CC2D1A: variants seen among roughly 807,000 people sequenced by gnomAD.
CC2D1A encodes coiled-coil and C2 domain-containing protein 1A.
In CC2D1A, 68 loss-of-function variants were observed where a neutral mutation model predicts 123.8. That is an observed-to-expected ratio of 0.55 (90% confidence interval 0.45 to 0.67). The LOEUF is 0.67. Among genes scored for constraint, CC2D1A ranks in the 30% least tolerant of loss-of-function variants. The pLI, the probability that CC2D1A is intolerant of heterozygous loss-of-function variation, is 0.00. For synonymous variants in CC2D1A, 477 were observed against 528.0 expected, an observed-to-expected ratio of 0.90 and a Z score of 1.32; for missense variants, 1,185 against 1,290.3, an observed-to-expected ratio of 0.92 and a Z score of 1.25.
chr19:13,909,339 G>T (rs1187973806), intron 1 of CC2D1A, among the ~76,000 whole-genome samples: 1 of 151,670 alleles, frequency 6.6e-6, no homozygotes, highest in Non-Finnish European at 1.5e-5. Flanking sequence ...CTGCACCACT[G>T]CACTCCAGCC....
chr19:13,911,706 A>ATT (rs1055273535), intron 2 of CC2D1A, among the ~76,000 whole-genome samples: 55 of 88,554 alleles, frequency 6.2e-4, no homozygotes, highest in Middle Eastern at 5.7e-3. Context: ...TGCCCAGCTA[A>ATT]TTTTTTTTTT....
At chr19:13,926,392 AC>A in intron 17 of CC2D1A, 124 bp from the exon 18 acceptor site, 1 of 737,882 alleles carries the variant, frequency 1.4e-6, no homozygotes, top group Non-Finnish European at 2.2e-6. Context: ...GAGCTGAGAC[AC>A]CCCCGAAGGC....
intron 14 of CC2D1A, among the ~76,000 whole-genome samples, chr19:13,922,480 A>G (rs1166641932): frequency 6.6e-6 from 1 of 152,226 alleles, no homozygotes; most frequent in African/African-American, 2.4e-5. Flanking sequence ...CTGCTCAGAC[A>G]TCACATCTCC....
chr19:13,913,581 C>A lies in CC2D1A; in HGVS notation c.691C>A (p.Pro231Thr), dbSNP rs1027314638. The change falls in exon 6 of 29, where the codon CCT (proline) becomes ACT (threonine). Residue 231 changes from proline to threonine, a missense_variant. By Grantham distance (38) the Pro-to-Thr change is conservative. Coordinates refer to ENST00000318003, the MANE Select transcript of CC2D1A (RefSeq NM_017721.5). ...APEPRVTLEG[P>T]SATAPASSPG... ...AGAGCCCAGGGTCACCCTGGAGGGA[C>A]CTTCTGCCACCGCCCCAGCCTCATC... The A allele has an allele frequency of 2.5e-6, 4 of 1,613,888 alleles. No individual in the cohort carries two copies. Among genetic ancestry groups the A allele is most frequent in the Non-Finnish European group, 3.4e-6 (4 of 1,179,922 alleles).
Position 13,930,434 on chromosome 19 carries a change from C to T in CC2D1A, c.*39C>T. On this transcript the variant is annotated 3_prime_UTR_variant, in exon 29 of 29. Transcript: ENST00000318003. The surrounding 1 kb of genome is among the most constrained non-coding windows in gnomAD (Gnocchi z 6.8). ...CGGGCAGCCCCCAGAAAGCGGGCAGCAGGCCCCGATACCGGGAAGAGCCGA... is the reference window on the plus strand; with the variant it reads ...CGGGCAGCCCCCAGAAAGCGGGCAGTAGGCCCCGATACCGGGAAGAGCCGA... 1 of 1,570,650 alleles carries T rather than the reference C, an allele frequency of 6.4e-7. No individual in the cohort carries two copies. Among genetic ancestry groups the T allele is most frequent in the Non-Finnish European group, 8.6e-7 (1 of 1,160,458 alleles).
In CC2D1A at chr19:13,923,804, G is replaced by A. The variant is rs188178946; in HGVS notation, c.1933G>A (p.Val645Ile). 5.3e-5 allele frequency: 85 copies of A among 1,612,662 alleles called. No individual in the cohort carries two copies. Among genetic ancestry groups the A allele is most frequent in the East Asian group, 2.5e-4 (11 of 44,866 alleles). Residue 645 changes from valine (V) to isoleucine (I), a missense_variant, in exon 17 of 29, where the codon GTC becomes ATC. Physicochemically the swap from Val to Ile is conservative, Grantham distance 29. Transcript: ENST00000318003. This position sits in a 1 kb window ranked among gnomAD's most constrained non-coding sequence, Gnocchi z 5.3. ...CCGCTTTGAGCAAAGGACCTTCAGC[G>A]TCATCAAGTAAGGCTCCTGATCTAC... is the stretch of plus-strand genomic sequence containing the variant. ...TARFEQRTFS[V>I]IKIFPDLSSN...
intron 17 of CC2D1A, among the ~76,000 whole-genome samples, chr19:13,925,933 A>AAAATATATATATATAT (rs1315518981): frequency 1.1e-5 from 1 of 91,050 alleles, no homozygotes; most frequent in African/African-American, 6.8e-5. Flanking sequence ...AAAAAAAAAA[A>AAAATATATATATATAT]ATATATATAT....
chr19:13,918,151 A>G lies in CC2D1A; in HGVS notation c.830A>G (p.Gln277Arg), dbSNP rs2145327368. Residue 277 changes from glutamine to arginine, a missense_variant, in exon 7 of 29, where the codon CAG becomes CGG. Gln to Arg is a conservative substitution (Grantham distance 43, BLOSUM62 1). Coordinates refer to ENST00000318003, the MANE Select transcript of CC2D1A (RefSeq NM_017721.5). Reference sequence around the variant, plus strand: ...CTGGCTGCCCTCCACGCCAAGCAGCAGGGAGATACCACTGCTGCCGCTAGA... The same window carrying G: ...CTGGCTGCCCTCCACGCCAAGCAGCGGGGAGATACCACTGCTGCCGCTAGA... ...YKLAALHAKQ[Q>R]GDTTAAARHF... 6.2e-7 allele frequency: 1 copy of G among 1,609,414 alleles called. No homozygotes were observed. The highest frequency in any genetic ancestry group is 1.3e-5 in the African/African-American group (1 of 74,994).
intron 2 of CC2D1A, 79 bp from the exon 3 acceptor site, chr19:13,912,244 C>T: frequency 7.0e-7 from 1 of 1,435,428 alleles, no homozygotes; most frequent in East Asian, 2.5e-5. Context: ...GAAGTGGGAT[C>T]ACCTAGCGTG....
intron 17 of CC2D1A, among the ~76,000 whole-genome samples, chr19:13,924,412 C>T (rs547814761): frequency 3.5e-4 from 53 of 152,070 alleles, no homozygotes; most frequent in Admixed American, 6.6e-4. Flanking sequence ...CCTCGTGATC[C>T]GCCCACCTCG....
At chr19:13,927,549 CGGGCA>C in intron 22 of CC2D1A, 1 of 474,236 alleles carries the variant, frequency 2.1e-6, no homozygotes, top group Non-Finnish European at 3.9e-6. Context: ...GAGGCTGAGG[CGGGCA>C]GATCACGAGG....
chr19:13,920,292 C>T lies in CC2D1A; in HGVS notation c.1357-265C>T. The T allele has an allele frequency of 7.6e-6, 4 of 525,582 alleles. No homozygotes were observed. In the South Asian group the frequency reaches 7.9e-5, roughly 10 times the overall value. 32.6% of individuals were successfully genotyped at this position (525,582 alleles called of 1,614,324 possible). On this transcript the variant is annotated intron_variant, in intron 12 of 28. Coordinates refer to ENST00000318003, the MANE Select transcript of CC2D1A (RefSeq NM_017721.5). ...AAAAAAAAGTGTTTGGTGAGAATTG[C>T]TTGAACCGGGAGGCAGAGGTTGCAG...
Position 13,927,259 on chromosome 19 carries a change from C to A in CC2D1A, c.2310C>A (p.Ile770=). ...ALEIACEVRE[I]LEVLDGRRPT... ...AGATAGCATGTGAGGTCCGGGAGAT[C>A]CTTGAGGTGAGAGGTGGACATTCAT... The change falls in exon 22 of 29, where the codon ATC becomes ATA. Residue 770 remains isoleucine (I), a synonymous_variant. Transcript: ENST00000318003. 6.2e-7 allele frequency: 1 copy of A among 1,613,464 alleles called. No individual in the cohort carries two copies.
Position 13,920,058 on chromosome 19 carries a change from G to C in CC2D1A, c.1356+107G>C, listed in dbSNP as rs1048322086. ...GGCCAGGAGTTTGAGACCATCCTGG[G>C]CCACACAGTGAGACCCCCGTCTCTA... On this transcript the variant is annotated intron_variant, in intron 12 of 28. Transcript: ENST00000318003. The C allele has an allele frequency of 2.5e-6, 3 of 1,178,568 alleles. No homozygotes were observed. The African/African-American group carries it at 4.7e-5, about 19-fold the overall frequency. 73.0% of individuals were successfully genotyped at this position (1,178,568 alleles called of 1,614,324 possible). A position where few individuals can be genotyped will look rare whatever the true frequency, so the allele number is the denominator to read the frequency against.
Position 13,913,231 on chromosome 19 carries a change from C to T in CC2D1A, c.442C>T (p.Gln148Ter), listed in dbSNP as rs776035620. ...TTLQERLALY[Q>*]TAIESARQAG... ...CTTGCAGGAGAGGCTGGCGCTCTAT[C>T]AGACAGCAATTGAAAGCGCCAGACA... Residue 148 changes from glutamine to a stop codon, truncating the protein, a stop_gained, in exon 5 of 29, where the codon CAG (glutamine) becomes TAG (stop). Transcript: ENST00000318003. LOFTEE classifies it high-confidence loss of function. 1 of 1,613,486 alleles carries T rather than the reference C, an allele frequency of 6.2e-7. No homozygotes were observed. Among genetic ancestry groups the T allele is most frequent in the Non-Finnish European group, 8.5e-7 (1 of 1,179,890 alleles).
In CC2D1A at chr19:13,909,032, TC is replaced by T. The variant is rs1970895919; in HGVS notation, c.61-789del. ...CCTTGATCTCCCCAGGCTCAAGTGATCCTCCTGCCTCAGCCTCCCGAGTAGC... is the reference window on the plus strand; with the variant it reads ...CCTTGATCTCCCCAGGCTCAAGTGATCTCCTGCCTCAGCCTCCCGAGTAGC... On this transcript the variant is annotated intron_variant, in intron 1 of 28. Coordinates refer to ENST00000318003, the MANE Select transcript of CC2D1A (RefSeq NM_017721.5). Among the ~76,000 whole-genome samples the T allele has an allele frequency of 2.6e-5, 4 of 151,938 alleles. No individual in the cohort carries two copies. The South Asian group carries it at 8.3e-4, about 31-fold the overall frequency.
Position 13,923,754 on chromosome 19 carries a change from T to G in CC2D1A, c.1883T>G (p.Val628Gly). The change falls in exon 17 of 29, where the codon GTC becomes GGC. Residue 628 changes from valine to glycine, a missense_variant. Coordinates refer to ENST00000318003, the MANE Select transcript of CC2D1A (RefSeq NM_017721.5). The surrounding 1 kb of genome is among the most constrained non-coding windows in gnomAD (Gnocchi z 5.3). ...ATGGACATTCTGAAGCAAGCCTTCG[T>G]CCGGGGTCTCCCCACGCCCACCGCC... ...RSMDILKQAF[V>G]RGLPTPTARF... 6.2e-7 allele frequency: 1 copy of G among 1,614,166 alleles called. No homozygotes were observed. Among genetic ancestry groups the G allele is most frequent in the Non-Finnish European group, 8.5e-7 (1 of 1,180,014 alleles).
chr19:13,923,264 C>T lies in CC2D1A; in HGVS notation c.1642-69C>T, dbSNP rs1971470653. ...AATGCCCCTCGTCAAGGAAGAATGACATTTCTGCAGAGCCCTAGGTGGGCC... is the reference window on the plus strand; with the variant it reads ...AATGCCCCTCGTCAAGGAAGAATGATATTTCTGCAGAGCCCTAGGTGGGCC... On this transcript the variant is annotated intron_variant, in intron 14 of 28. Transcript: ENST00000318003. This position sits in a 1 kb window ranked among gnomAD's most constrained non-coding sequence, Gnocchi z 5.3. 1 of 1,513,808 alleles carries T rather than the reference C, an allele frequency of 6.6e-7. No individual in the cohort carries two copies. Among genetic ancestry groups the T allele is most frequent in the African/African-American group, 1.4e-5 (1 of 72,144 alleles). 93.8% of individuals were successfully genotyped at this position (1,513,808 alleles called of 1,614,324 possible).
chr19:13,919,023 T>G lies in CC2D1A; in HGVS notation c.1130T>G (p.Met377Arg). ...KSKGDQRKAR[M>R]HERIVKQYQD... Reference sequence around the variant, plus strand: ...AAGGGGGACCAGCGGAAAGCTCGAATGCACGAGCGCATCGTCAAGGTGCCC... The same window carrying G: ...AAGGGGGACCAGCGGAAAGCTCGAAGGCACGAGCGCATCGTCAAGGTGCCC... Residue 377 changes from methionine to arginine, a missense_variant, in exon 10 of 29, where the codon ATG becomes AGG. Met to Arg is a moderately conservative substitution (Grantham distance 91). Transcript: ENST00000318003. 6.2e-7 allele frequency: 1 copy of G among 1,608,050 alleles called. No homozygotes were observed. The highest frequency in any genetic ancestry group is 1.1e-5 in the South Asian group (1 of 90,318).
Sources: gnomAD v4.1 joint callset for allele counts (sites outside exome capture counted in the v4.1 genomes callset) on GRCh38, gnomAD v4.1.1 for gene constraint, Gnocchi (gnomAD v3.1) non-coding constraint, MANE v1.5 for transcripts, NCBI Gene and HGNC (gene_info 2026-07-23, HGNC 2026-07-21) for gene names.